The following GLDC variants were observed in gnomAD, a reference collection of about 807,000 sequenced individuals.
GLDC encodes glycine decarboxylase, also known as glycine dehydrogenase (decarboxylating), mitochondrial.
Under a neutral mutation model 121.3 loss-of-function variants are expected in GLDC, and 104 were observed. That is an observed-to-expected ratio of 0.86 (90% CI 0.73 to 1.01). GLDC has a LOEUF of 1.01. Among genes scored for constraint, GLDC ranks in the 50% least tolerant of loss-of-function variants. The pLI, the probability that GLDC is intolerant of heterozygous loss-of-function variation, is 0.00. For synonymous variants in GLDC, 546 were observed against 480.6 expected, an observed-to-expected ratio of 1.14 and a Z score of -1.78; for missense variants, 1,429 against 1,306.6, an observed-to-expected ratio of 1.09 and a Z score of -1.44.
At chr9:6,563,302 C>T (rs1041773116) in intron 16 of GLDC, among the ~76,000 whole-genome samples, 1 of 152,218 alleles carries the variant, frequency 6.6e-6, no homozygotes, top group African/African-American at 2.4e-5. Flanking sequence ...GGAAGCATTA[C>T]TGCGTGGAAA....
intron 15 of GLDC, among the ~76,000 whole-genome samples, chr9:6,573,331 C>T (rs1173117395): frequency 6.6e-6 from 1 of 152,062 alleles, no homozygotes; most frequent in Non-Finnish European, 1.5e-5. Context: ...TGTGGTGGCA[C>T]ACACCTGTAA....
chr9:6,560,185 G>C (rs1202792496), intron 16 of GLDC, among the ~76,000 whole-genome samples: 1 of 152,166 alleles, frequency 6.6e-6, no homozygotes, highest in Non-Finnish European at 1.5e-5. Flanking sequence ...AAAGCATCAA[G>C]GAGAAGCCAT....
intron 11 of GLDC, among the ~76,000 whole-genome samples, chr9:6,589,562 G>A (rs1290229428): frequency 4.0e-5 from 6 of 151,804 alleles, no homozygotes; most frequent in Non-Finnish European, 1.5e-5. Context: ...TGAGTAGCTG[G>A]GGCTACAGGT....
chr9:6,573,960 T>G (rs982112869), intron 15 of GLDC, among the ~76,000 whole-genome samples: 1 of 152,334 alleles, frequency 6.6e-6, no homozygotes, highest in Non-Finnish European at 1.5e-5. Context: ...ATGTCTCAAG[T>G]ACCCTAACGT....
intron 7 of GLDC, 66 bp downstream of exon 7, chr9:6,604,522 T>G (rs1166169181): frequency 7.1e-7 from 1 of 1,403,142 alleles, no homozygotes; most frequent in African/African-American, 1.4e-5. Context: ...AAATCAACAT[T>G]TGTGATCAGA....
intron 2 of GLDC, among the ~76,000 whole-genome samples, chr9:6,631,892 C>A (rs1212264587): frequency 6.6e-6 from 1 of 152,130 alleles, no homozygotes; most frequent in Non-Finnish European, 1.5e-5. Context: ...CACAGCAAGA[C>A]CCCCGTCTCT....
At chr9:6,585,497 CTT>C (rs1293737383) in intron 15 of GLDC, among the ~76,000 whole-genome samples, 1 of 151,858 alleles carries the variant, frequency 6.6e-6, no homozygotes, top group African/African-American at 2.4e-5. Flanking sequence ...TGAAGTGAGA[CTT>C]TAAGACGCAA....
At chr9:6,576,002 G>A (rs948856952) in intron 15 of GLDC, among the ~76,000 whole-genome samples, 6 of 152,204 alleles carry the variant, frequency 3.9e-5, no homozygotes, top group African/African-American at 1.4e-4. Context: ...AGAAAATAGG[G>A]ATAAGCTTCT....
chr9:6,592,720 CTT>C, intron 10 of GLDC, 129 bp downstream of exon 10: 1 of 807,984 alleles, frequency 1.2e-6, no homozygotes. Context: ...GTAAATAACA[CTT>C]GTTTATGAAA....
At chr9:6,578,076 A>C (rs1403884920) in intron 15 of GLDC, among the ~76,000 whole-genome samples, 1 of 151,574 alleles carries the variant, frequency 6.6e-6, no homozygotes, top group Non-Finnish European at 1.5e-5. Flanking sequence ...CACTGTGCCC[A>C]GCTACTTTTT....
intron 2 of GLDC, among the ~76,000 whole-genome samples, chr9:6,642,621 T>C (rs1390384126): frequency 6.6e-6 from 1 of 152,136 alleles, no homozygotes; most frequent in African/African-American, 2.4e-5. Flanking sequence ...AGAATCAGAA[T>C]CCCTTAATGT....
At chr9:6,621,206 C>G (rs1410138306) in intron 2 of GLDC, among the ~76,000 whole-genome samples, 3 of 152,148 alleles carry the variant, frequency 2.0e-5, no homozygotes, top group Non-Finnish European at 4.4e-5. Flanking sequence ...CACCCTTATG[C>G]AGTTTCTACC....
intron 11 of GLDC, among the ~76,000 whole-genome samples, chr9:6,590,554 A>T (rs1249198209): frequency 1.3e-5 from 2 of 152,146 alleles, no homozygotes; most frequent in Non-Finnish European, 2.9e-5. Context: ...TTGCCATGTG[A>T]TGCCTGCTCC....
chr9:6,570,826 C>T lies in GLDC; in HGVS notation c.1851-5397G>A, dbSNP rs1563841938. On this transcript the variant is annotated intron_variant, in intron 15 of 24. Transcript: ENST00000321612. ...CTGAGATCGCACCACTGCACTCCAG[C>T]CTGCGCAACAAGAGCAAAACTCTGT... Among the ~76,000 whole-genome samples the T allele has an allele frequency of 1.0e-4, 15 of 146,572 alleles. No homozygotes were observed. In the South Asian group the frequency reaches 3.2e-3, roughly 31 times the overall value.
At chr9:6,552,963 T>C (rs546244911) in intron 20 of GLDC, among the ~76,000 whole-genome samples, 35 of 151,790 alleles carry the variant, frequency 2.3e-4, no homozygotes, top group African/African-American at 8.4e-4. Context: ...AAGTGAGATA[T>C]ATAGCAGGAT....
chr9:6,538,805 C>T (rs952425854), intron 22 of GLDC, among the ~76,000 whole-genome samples: 1 of 152,182 alleles, frequency 6.6e-6, no homozygotes, highest in East Asian at 1.9e-4. Flanking sequence ...CTGAGTCGGC[C>T]ATTACCCAAT....
intron 18 of GLDC, among the ~76,000 whole-genome samples, chr9:6,555,241 G>A (rs760203492): frequency 9.2e-5 from 14 of 152,284 alleles, no homozygotes; most frequent in East Asian, 1.9e-4. Context: ...GGGGCTGCGG[G>A]GGCACCAGGG....
At chr9:6,539,138 G>C (rs1404125864) in intron 22 of GLDC, among the ~76,000 whole-genome samples, 1 of 152,038 alleles carries the variant, frequency 6.6e-6, no homozygotes, top group African/African-American at 2.4e-5. Context: ...TAGCCTTTCT[G>C]AGAATTGAAA....
intron 18 of GLDC, 91 bp downstream of exon 18, chr9:6,556,062 C>T (rs1817623131): frequency 7.3e-6 from 8 of 1,090,130 alleles, no homozygotes; most frequent in Non-Finnish European, 1.1e-5. Flanking sequence ...TTCCCTCAGG[C>T]AGGAAGCCTC....
Sources: gnomAD v4.1 joint callset for allele counts (sites outside exome capture counted in the v4.1 genomes callset) on GRCh38, gnomAD v4.1.1 for gene constraint, MANE v1.5 for transcripts, NCBI Gene and HGNC (gene_info 2026-07-23, HGNC 2026-07-21) for gene names.